The following NLGN1 variants were observed in gnomAD, a reference collection of about 807,000 sequenced individuals.
The protein encoded by NLGN1 is neuroligin 1.
In NLGN1, 12 loss-of-function variants were observed where a neutral mutation model predicts 65.5. That is an observed-to-expected ratio of 0.18 (90% CI 0.12 to 0.30). The LOEUF is 0.30. Among genes scored for constraint, NLGN1 ranks in the 10% least tolerant of loss-of-function variants. The pLI is 1.00. For missense variants in NLGN1, 750 were observed against 1,007.1 expected, an observed-to-expected ratio of 0.74 and a Z score of 3.46; for synonymous variants, 350 against 359.5, an observed-to-expected ratio of 0.97 and a Z score of 0.30.
intron 3 of NLGN1, among the ~76,000 whole-genome samples, chr3:173,684,367 T>C (rs1298237291): frequency 6.6e-6 from 1 of 152,126 alleles, no homozygotes; most frequent in Non-Finnish European, 1.5e-5. Flanking sequence ...CATAAATAGA[T>C]GAAACACATT....
chr3:174,144,747 A>G (rs569805421), intron 4 of NLGN1, among the ~76,000 whole-genome samples: 1 of 152,200 alleles, frequency 6.6e-6, no homozygotes, highest in African/African-American at 2.4e-5. Flanking sequence ...TCCTTTGCCC[A>G]CTTTTTGATG....
intron 3 of NLGN1, chr3:173,644,533 G>A (rs1394185689): frequency 6.0e-6 from 1 of 165,950 alleles, no homozygotes; most frequent in Non-Finnish European, 1.4e-5. Flanking sequence ...CCTGCCTCTG[G>A]AAGTACTCCC....
intron 4 of NLGN1, among the ~76,000 whole-genome samples, chr3:173,962,576 A>G (rs565182911): frequency 6.6e-6 from 1 of 152,282 alleles, no homozygotes; most frequent in East Asian, 1.9e-4. Flanking sequence ...CATTGAGTCA[A>G]ATATTTCCTA....
intron 1 of NLGN1, among the ~76,000 whole-genome samples, chr3:173,412,085 T>C (rs1712689365): frequency 6.6e-6 from 1 of 152,166 alleles, no homozygotes; most frequent in African/African-American, 2.4e-5. Flanking sequence ...ATCCAGAAAG[T>C]AAATCATATT....
At chr3:174,150,695 G>C (rs1724152725) in intron 4 of NLGN1, among the ~76,000 whole-genome samples, 1 of 152,056 alleles carries the variant, frequency 6.6e-6, no homozygotes, top group South Asian at 2.1e-4. Context: ...CCATTATCTA[G>C]CAGAGATTCA....
At chr3:173,517,678 G>C (rs1395775360) in intron 2 of NLGN1, among the ~76,000 whole-genome samples, 1 of 151,882 alleles carries the variant, frequency 6.6e-6, no homozygotes, top group Non-Finnish European at 1.5e-5. Flanking sequence ...ATGTTTATAT[G>C]TATGTGATTC....
chr3:174,218,145 G>A (rs1737974021), intron 4 of NLGN1, among the ~76,000 whole-genome samples: 1 of 151,970 alleles, frequency 6.6e-6, no homozygotes. Context: ...ATCAAGCAAG[G>A]TTAAAATGAA....
At chr3:173,617,642 A>G (rs997835852) in intron 3 of NLGN1, among the ~76,000 whole-genome samples, 3 of 152,216 alleles carry the variant, frequency 2.0e-5, no homozygotes, top group Non-Finnish European at 4.4e-5. Context: ...TCTGACAGAT[A>G]TAACCTGGAC....
chr3:173,673,731 G>GT (rs1444029253), intron 3 of NLGN1, among the ~76,000 whole-genome samples: 2 of 151,840 alleles, frequency 1.3e-5, no homozygotes, highest in African/African-American at 2.4e-5. Flanking sequence ...TACTTTTTTT[G>GT]TTTTTTTAAG....
At chr3:174,241,630 C>T (rs919786038) in intron 4 of NLGN1, among the ~76,000 whole-genome samples, 1 of 151,686 alleles carries the variant, frequency 6.6e-6, no homozygotes, top group Non-Finnish European at 1.5e-5. Flanking sequence ...TAAATCCCTA[C>T]CCCCCAACAT....
intron 2 of NLGN1, among the ~76,000 whole-genome samples, chr3:173,443,327 AT>A (rs1719564038): frequency 1.0e-5 from 1 of 95,824 alleles, no homozygotes; most frequent in Non-Finnish European, 2.5e-5. Context: ...TACTATATAT[AT>A]ATATACACTA....
chr3:174,138,476 C>T (rs1301593206), intron 4 of NLGN1, among the ~76,000 whole-genome samples: 1 of 149,398 alleles, frequency 6.7e-6, no homozygotes, highest in Non-Finnish European at 1.5e-5. Context: ...GCTCCGTCGC[C>T]GAGGCTGGAG....
chr3:173,663,593 C>A (rs1009673844), intron 3 of NLGN1, among the ~76,000 whole-genome samples: 3 of 151,916 alleles, frequency 2.0e-5, no homozygotes, highest in African/African-American at 7.2e-5. Context: ...CCGTGCTGAA[C>A]AAGAGAAGCT....
intron 2 of NLGN1, among the ~76,000 whole-genome samples, chr3:173,570,136 AGGATAGATT>A (rs1482048481): frequency 6.6e-6 from 1 of 152,202 alleles, no homozygotes; most frequent in African/African-American, 2.4e-5. Flanking sequence ...GGGGTGAGGT[AGGATAGATT>A]GTATCTCTGA....
intron 2 of NLGN1, among the ~76,000 whole-genome samples, chr3:173,586,746 G>T (rs772607120): frequency 1.2e-4 from 18 of 152,238 alleles, no homozygotes; most frequent in Non-Finnish European, 2.2e-4. Flanking sequence ...TAACCCAATT[G>T]TTAGTTTTAA....
At chr3:174,015,920 G>A (rs1016524388) in intron 4 of NLGN1, among the ~76,000 whole-genome samples, 2 of 152,084 alleles carry the variant, frequency 1.3e-5, no homozygotes, top group African/African-American at 4.8e-5. Context: ...TAAAATAAAA[G>A]GTGGCTGAAA....
chr3:174,248,457 G>A (rs191163354), intron 4 of NLGN1, among the ~76,000 whole-genome samples: 2 of 152,262 alleles, frequency 1.3e-5, no homozygotes, highest in Non-Finnish European at 2.9e-5. Context: ...ATAATAAAGA[G>A]CACTAAATAT....
At chr3:173,689,194 C>T (rs899856318) in intron 3 of NLGN1, among the ~76,000 whole-genome samples, 4 of 152,174 alleles carry the variant, frequency 2.6e-5, no homozygotes, top group African/African-American at 9.7e-5. Context: ...GTTCTCAACT[C>T]AATATCCTGG....
At chr3:173,807,632 T>C in intron 3 of NLGN1, 48 bp from the exon 4 acceptor site, 1 of 1,589,416 alleles carries the variant, frequency 6.3e-7, no homozygotes, top group Non-Finnish European at 8.6e-7. Flanking sequence ...TGCTTCATTG[T>C]GTGTTATTTT....
Sources: allele counts gnomAD v4.1 joint callset (sites outside exome capture counted in the v4.1 genomes callset), GRCh38; gene constraint gnomAD v4.1.1; transcripts MANE v1.5; gene names NCBI Gene and HGNC (gene_info 2026-07-23, HGNC 2026-07-21).